Variants in RAD18 observed in about 807,000 individuals in gnomAD.
RAD18 encodes E3 ubiquitin-protein ligase RAD18.
Under a neutral mutation model 60.4 loss-of-function variants are expected in RAD18, and 47 were observed. The observed-to-expected ratio is 0.78, with a 90% confidence interval of 0.62 to 0.99. The LOEUF is 0.99. RAD18 is among the 50% of genes least tolerant of loss of function. The pLI is 0.00. For synonymous variants in RAD18, 225 were observed against 195.5 expected (o/e 1.15, Z -1.26); for missense variants, 640 against 593.3 (o/e 1.08, Z -0.82).
At chr3:8,881,922 C>T (rs186829593) in intron 12 of RAD18, among the ~76,000 whole-genome samples, 17 of 152,300 alleles carry the variant, frequency 1.1e-4, no homozygotes, top group Admixed American at 7.8e-4. Flanking sequence ...TGTTGGAGAA[C>T]GAGGTGGCTG....
chr3:8,947,245 G>C lies in RAD18; in HGVS notation c.241C>G (p.Leu81Val). ...CGTGCAAAATTCAAGCTTTTTACCA[G>C]TTCATCTAATATGCGGTTATTTTTC... The part of the protein sequence containing the change: ...DLKNNRILDE[L>V]VKSLNFARNH... The change falls in exon 4 of 13, where the codon CTG (leucine) becomes GTG (valine). Residue 81 changes from leucine (L) to valine (V), a missense_variant. Transcript: ENST00000264926. 6.2e-7 allele frequency: 1 copy of C among 1,610,794 alleles called. No individual in the cohort carries two copies. Among genetic ancestry groups the C allele is most frequent in the Non-Finnish European group, 8.5e-7 (1 of 1,177,484 alleles).
chr3:8,932,655 A>G (rs1940579698), intron 7 of RAD18, among the ~76,000 whole-genome samples: 1 of 152,184 alleles, frequency 6.6e-6, no homozygotes, highest in Non-Finnish European at 1.5e-5. Context: ...AAATGAAAAC[A>G]TATGGTTACA....
chr3:8,907,787 C>T (rs1940038464), intron 9 of RAD18, among the ~76,000 whole-genome samples: 1 of 74,924 alleles, frequency 1.3e-5, no homozygotes, highest in Non-Finnish European at 3.2e-5. Context: ...ACACTACCCA[C>T]TATCGGTTTG....
chr3:8,948,548 T>A lies in RAD18; in HGVS notation c.156A>T (p.Lys52Asn). 6.2e-7 allele frequency: 1 copy of A among 1,612,836 alleles called. No individual in the cohort carries two copies. The highest frequency in any genetic ancestry group is 1.7e-5 in the Admixed American group (1 of 59,934). ...GACACTGAGTTTTATAGGACAGAAATTTTCTTATACAGAGAGAGCAGTCTG... is the reference window on the plus strand; with the variant it reads ...GACACTGAGTTTTATAGGACAGAAAATTTCTTATACAGAGAGAGCAGTCTG... ...SHNYCSLCIR[K>N]FLSYKTQCPT... The change falls in exon 3 of 13, where the codon AAA (lysine) becomes AAT (asparagine). Residue 52 changes from lysine (K) to asparagine (N), a missense_variant. Lys to Asn is a moderately conservative substitution (Grantham distance 94, BLOSUM62 0). Coordinates refer to ENST00000264926, the MANE Select transcript of RAD18 (RefSeq NM_020165.4).
Position 8,948,511 on chromosome 3 carries a change from C to G in RAD18, c.193G>C (p.Val65Leu). 1 of 1,611,536 alleles carries G rather than the reference C, an allele frequency of 6.2e-7. No homozygotes were observed. Among genetic ancestry groups the G allele is most frequent in the Non-Finnish European group, 8.5e-7 (1 of 1,178,306 alleles). The stretch of plus-strand genomic sequence containing the variant: ...AAAAAAAGGAAACAAAAACTCACCA[C>G]ACAGCAAGTTGGACACTGAGTTTTA... ...SYKTQCPTCC[V>L]TVTEPDLKNN... Residue 65 changes from valine to leucine, a missense_variant and splice_region_variant, in exon 3 of 13, where the codon GTG becomes CTG. Coordinates refer to ENST00000264926, the MANE Select transcript of RAD18 (RefSeq NM_020165.4).
intron 1 of RAD18, 82 bp from the exon 2 acceptor site, chr3:8,959,083 T>TAAA: frequency 1.1e-6 from 1 of 928,722 alleles, no homozygotes; most frequent in Non-Finnish European, 1.6e-6. Context: ...CTCTATCCCC[T>TAAA]AAAAAAAAAA....
At chr3:8,928,487 TAG>T (rs1940488855) in intron 7 of RAD18, among the ~76,000 whole-genome samples, 1 of 152,110 alleles carries the variant, frequency 6.6e-6, no homozygotes, top group East Asian at 1.9e-4. Context: ...TGAAATAAAG[TAG>T]CTGCTATACT....
At chr3:8,943,607 C>A (rs772254727) in intron 4 of RAD18, among the ~76,000 whole-genome samples, 1 of 151,504 alleles carries the variant, frequency 6.6e-6, no homozygotes, top group Non-Finnish European at 1.5e-5. Flanking sequence ...GGGAAATCAG[C>A]AATACTAGAA....
intron 4 of RAD18, among the ~76,000 whole-genome samples, chr3:8,945,882 C>T (rs898213952): frequency 7.2e-5 from 11 of 152,138 alleles, no homozygotes; most frequent in South Asian, 4.1e-4. Context: ...TACAGCTATA[C>T]GATGTGTTTG....
chr3:8,908,129 T>C (rs1273056930), intron 9 of RAD18, among the ~76,000 whole-genome samples: 2 of 152,096 alleles, frequency 1.3e-5, no homozygotes, highest in African/African-American at 4.8e-5. Context: ...TTCCTTTGGG[T>C]TAAAGGAATG....
At chr3:8,938,705 G>C (rs913781455) in intron 6 of RAD18, among the ~76,000 whole-genome samples, 1 of 152,148 alleles carries the variant, frequency 6.6e-6, no homozygotes, top group South Asian at 2.1e-4. Flanking sequence ...TGGAAGGAAA[G>C]AGACTGAAGG....
intron 7 of RAD18, among the ~76,000 whole-genome samples, chr3:8,917,577 T>A (rs1940227572): frequency 6.6e-6 from 1 of 152,118 alleles, no homozygotes; most frequent in African/African-American, 2.4e-5. Context: ...ATTACTTGAC[T>A]GTAACTAATG....
intron 9 of RAD18, among the ~76,000 whole-genome samples, chr3:8,909,211 G>A (rs568560562): frequency 2.0e-4 from 31 of 152,268 alleles, no homozygotes; most frequent in Admixed American, 5.9e-4. Context: ...GAGGAGAAGA[G>A]GCAAGGCTAG....
intron 6 of RAD18, among the ~76,000 whole-genome samples, chr3:8,937,784 G>A (rs1185598111): frequency 6.6e-6 from 1 of 152,156 alleles, no homozygotes; most frequent in African/African-American, 2.4e-5. Context: ...ACTTCTCAAA[G>A]CCTTTAACAC....
intron 11 of RAD18, among the ~76,000 whole-genome samples, chr3:8,896,118 C>T (rs1437174174): frequency 1.3e-5 from 2 of 152,198 alleles, no homozygotes; most frequent in Non-Finnish European, 2.9e-5. Context: ...CTTCTGGATC[C>T]TAAAACCCCC....
At chr3:8,951,019 G>C (rs894211950) in intron 2 of RAD18, among the ~76,000 whole-genome samples, 5 of 152,064 alleles carry the variant, frequency 3.3e-5, no homozygotes, top group African/African-American at 1.2e-4. Context: ...AAGAACTGCA[G>C]GATGACTACA....
chr3:8,959,067 C>A (rs1941057293), intron 1 of RAD18, 66 bp from the exon 2 acceptor site: 7 of 1,296,084 alleles, frequency 5.4e-6, no homozygotes, highest in Non-Finnish European at 7.8e-6. Context: ...TGTCACAAAA[C>A]TTTTTCTCTA....
At chr3:8,896,908 C>T (rs891944412) in intron 11 of RAD18, among the ~76,000 whole-genome samples, 7 of 151,680 alleles carry the variant, frequency 4.6e-5, no homozygotes, top group Non-Finnish European at 5.9e-5. Context: ...TTTAGTCAAT[C>T]ACTTTAAATT....
chr3:8,920,885 G>A (rs1181132600), intron 7 of RAD18, among the ~76,000 whole-genome samples: 3 of 151,808 alleles, frequency 2.0e-5, no homozygotes, highest in Non-Finnish European at 2.9e-5. Context: ...TGTACTGCAG[G>A]AAAAAAAATC....
Sources: gnomAD v4.1 joint callset for allele counts (sites outside exome capture counted in the v4.1 genomes callset) on GRCh38, gnomAD v4.1.1 for gene constraint, MANE v1.5 for transcripts, NCBI Gene and HGNC (gene_info 2026-07-23, HGNC 2026-07-21) for gene names.